Variants in PDE1A observed in about 807,000 individuals in gnomAD.
PDE1A encodes the protein phosphodiesterase 1A.
PDE1A carries 35 observed loss-of-function variants against 61.7 expected under a neutral mutation model. That is an observed-to-expected ratio of 0.57 (90% CI 0.43 to 0.75). The LOEUF (loss-of-function observed/expected upper bound fraction) is 0.75. Among genes scored for constraint, PDE1A ranks in the 30% least tolerant of loss-of-function variants. The pLI, the probability that PDE1A is intolerant of heterozygous loss-of-function variation, is 0.00. For missense variants in PDE1A, 597 were observed against 630.6 expected (o/e 0.95, Z 0.57); for synonymous variants, 232 against 213.2 (o/e 1.09, Z -0.77).
intron 2 of PDE1A, among the ~76,000 whole-genome samples, chr2:182,262,780 T>G (rs1267372980): frequency 6.6e-6 from 1 of 152,014 alleles, no homozygotes. Flanking sequence ...AAAAGAAGAA[T>G]GAGAGACTGT....
At chr2:182,678,423 CAGAAAAGAA>C in the PDE1A span, among the ~76,000 whole-genome samples, 9 of 151,846 alleles carry the variant, frequency 5.9e-5, no homozygotes, top group African/African-American at 1.9e-4. Flanking sequence ...GGCTCTGTCT[CAGAAAAGAA>C]AGAAAAGAAA....
the PDE1A span, among the ~76,000 whole-genome samples, chr2:182,628,873 A>G: frequency 6.6e-6 from 1 of 152,174 alleles, no homozygotes; most frequent in Non-Finnish European, 1.5e-5. Flanking sequence ...TAAGTGGGAC[A>G]TGCAACTTTC....
chr2:182,429,431 T>C (rs756134539), upstream of PDE1A, among the ~76,000 whole-genome samples: 3 of 152,080 alleles, frequency 2.0e-5, no homozygotes, highest in African/African-American at 7.2e-5. Context: ...TTCTATACAA[T>C]AGACTATAAT....
At chr2:182,671,895 A>C in the PDE1A span, among the ~76,000 whole-genome samples, 1 of 152,060 alleles carries the variant, frequency 6.6e-6, no homozygotes, top group East Asian at 1.9e-4. Flanking sequence ...CTGGGATTAC[A>C]GGCTTGAGCC....
At chr2:182,335,128 A>G (rs553914166) in intron 1 of PDE1A, among the ~76,000 whole-genome samples, 2 of 152,326 alleles carry the variant, frequency 1.3e-5, no homozygotes, top group Admixed American at 1.3e-4. Context: ...GACACAAACA[A>G]ATGGAAAAAC....
the PDE1A span, among the ~76,000 whole-genome samples, chr2:182,531,263 AGACT>A: frequency 6.6e-6 from 1 of 152,084 alleles, no homozygotes; most frequent in South Asian, 2.1e-4. Context: ...CAAAAAATCA[AGACT>A]TAAATCCTAA....
the PDE1A span, among the ~76,000 whole-genome samples, chr2:182,629,283 A>G: frequency 1.3e-5 from 2 of 152,304 alleles, no homozygotes; most frequent in Admixed American, 1.3e-4. Context: ...GACTCAACCC[A>G]TGGCAACAGA....
intron 2 of PDE1A, among the ~76,000 whole-genome samples, chr2:182,452,346 G>A (rs1181291707): frequency 6.6e-6 from 1 of 152,056 alleles, no homozygotes; most frequent in Non-Finnish European, 1.5e-5. Context: ...TGCACCTGAA[G>A]GAAATATCTT....
At chr2:182,419,070 G>GA (rs35927091) in intron 1 of PDE1A, among the ~76,000 whole-genome samples, 8,355 of 133,134 alleles carry the variant, frequency 0.063, 744 homozygotes, top group African/African-American at 0.2. Flanking sequence ...CACTAAAAGA[G>GA]AAAAAAAAAA....
intron 13 of PDE1A, among the ~76,000 whole-genome samples, chr2:182,184,578 A>G (rs527531231): frequency 2.6e-5 from 4 of 152,338 alleles, no homozygotes; most frequent in Non-Finnish European, 5.9e-5. Context: ...AATACTTGAG[A>G]AAGTACTCCA....
the PDE1A span, among the ~76,000 whole-genome samples, chr2:182,567,480 C>A: frequency 6.6e-6 from 1 of 152,184 alleles, no homozygotes; most frequent in Non-Finnish European, 1.5e-5. Flanking sequence ...CTCATTTAGA[C>A]ATGAAATACC....
At chr2:182,603,258 T>A in the PDE1A span, among the ~76,000 whole-genome samples, 1 of 152,234 alleles carries the variant, frequency 6.6e-6, no homozygotes, top group Non-Finnish European at 1.5e-5. Flanking sequence ...TTGCTGATAT[T>A]CACTCCCTAA....
At chr2:182,308,493 A>G (rs1295553836) in intron 1 of PDE1A, among the ~76,000 whole-genome samples, 13 of 152,132 alleles carry the variant, frequency 8.5e-5, no homozygotes, top group Admixed American at 7.2e-4. Context: ...ATAAGCAACT[A>G]TAAATTAAGT....
At chr2:182,403,231 T>C (rs569264951) in intron 1 of PDE1A, among the ~76,000 whole-genome samples, 1 of 152,158 alleles carries the variant, frequency 6.6e-6, no homozygotes, top group Non-Finnish European at 1.5e-5. Flanking sequence ...CACATATATT[T>C]ATTGCGGCAC....
the PDE1A span, among the ~76,000 whole-genome samples, chr2:182,615,179 A>T: frequency 6.6e-6 from 1 of 152,170 alleles, no homozygotes; most frequent in East Asian, 1.9e-4. Flanking sequence ...TTTCATTTCT[A>T]CTTCCATGGG....
exon 9 of PDE1A, chr2:182,201,761 C>A: frequency 1.2e-6 from 2 of 1,609,392 alleles, no homozygotes; most frequent in Non-Finnish European, 1.7e-6. Context: ...GTAGATAAAA[C>A]CATTTCAATC....
At chr2:182,701,298 G>T in the PDE1A span, among the ~76,000 whole-genome samples, 1 of 151,820 alleles carries the variant, frequency 6.6e-6, no homozygotes, top group East Asian at 1.9e-4. Context: ...GCCTCCCAAA[G>T]TGCTGGGATT....
At chr2:182,548,172 A>G in the PDE1A span, among the ~76,000 whole-genome samples, 1 of 152,194 alleles carries the variant, frequency 6.6e-6, no homozygotes, top group Non-Finnish European at 1.5e-5. Context: ...ATTTGCTCAG[A>G]CACCAGAGGT....
intron 1 of PDE1A, among the ~76,000 whole-genome samples, chr2:182,322,721 C>G (rs1394688142): frequency 6.6e-6 from 1 of 152,130 alleles, no homozygotes; most frequent in Non-Finnish European, 1.5e-5. Flanking sequence ...GGGCTTTTTA[C>G]TTAAGACACT....
Sources: gnomAD v4.1 joint callset for allele counts (sites outside exome capture counted in the v4.1 genomes callset) on GRCh38, gnomAD v4.1.1 for gene constraint, MANE v1.5 for transcripts, NCBI Gene and HGNC (gene_info 2026-07-23, HGNC 2026-07-21) for gene names.